DNM3: variants seen among roughly 807,000 people sequenced by gnomAD.
DNM3 encodes dynamin-3.
Under a neutral mutation model 101.6 loss-of-function variants are expected in DNM3, and 47 were observed. The observed-to-expected ratio is 0.46, with a 90% confidence interval of 0.37 to 0.59. The LOEUF is 0.59. DNM3 is among the 20% of genes least tolerant of loss of function. The pLI is 0.00. For synonymous variants in DNM3, 385 were observed against 387.9 expected, an observed-to-expected ratio of 0.99 and a Z score of 0.09; for missense variants, 849 against 1,085.7, an observed-to-expected ratio of 0.78 and a Z score of 3.06.
intron 2 of DNM3, among the ~76,000 whole-genome samples, chr1:171,937,500 G>A (rs1462438341): frequency 2.0e-5 from 3 of 152,140 alleles, no homozygotes; most frequent in African/African-American, 7.2e-5. Flanking sequence ...TATAGATGCA[G>A]ACTCCTGGAC....
Position 172,235,509 on chromosome 1 carries a change from G to C in DNM3, c.1660-18064G>C, listed in dbSNP as rs573837026. 4.6e-5 allele frequency among the ~76,000 whole-genome samples: 7 copies of C among 152,222 alleles called. No homozygotes were observed. In the South Asian group the frequency reaches 1.2e-3, roughly 27 times the overall value. On this transcript the variant is annotated intron_variant, in intron 14 of 20. Coordinates refer to ENST00000627582, the MANE Select transcript of DNM3 (RefSeq NM_015569.5). ...TCCCATTACTGGATATATACCCAAA[G>C]GATTATAAGTCATGCTGCTGTAAAG...
chr1:171,884,146 T>C (rs2036561901), intron 1 of DNM3, among the ~76,000 whole-genome samples: 1 of 152,220 alleles, frequency 6.6e-6, no homozygotes, highest in Non-Finnish European at 1.5e-5. Context: ...AAGTTTCTAG[T>C]TGAAGTAATA....
chr1:172,244,999 A>G (rs150998888), intron 14 of DNM3, among the ~76,000 whole-genome samples: 128 of 152,304 alleles, frequency 8.4e-4, no homozygotes, highest in African/African-American at 2.7e-3. Flanking sequence ...TTATTCTTTG[A>G]TACTTTGATT....
intron 1 of DNM3, among the ~76,000 whole-genome samples, chr1:171,885,340 A>G (rs1283264142): frequency 6.6e-6 from 1 of 152,212 alleles, no homozygotes; most frequent in Non-Finnish European, 1.5e-5. Flanking sequence ...TAAGCAAAAC[A>G]TCAAAACATA....
chr1:172,001,117 A>G (rs2046331841), intron 4 of DNM3, among the ~76,000 whole-genome samples: 1 of 151,978 alleles, frequency 6.6e-6, no homozygotes, highest in African/African-American at 2.4e-5. Context: ...GAATTGGATT[A>G]TTTTTCCATT....
chr1:172,377,405 A>G (rs2068657695), intron 17 of DNM3, among the ~76,000 whole-genome samples: 1 of 151,754 alleles, frequency 6.6e-6, no homozygotes, highest in African/African-American at 2.4e-5. Context: ...TGCTAAACAC[A>G]ACGGCAAAAT....
At chr1:171,955,240 A>G (rs1489327195) in intron 2 of DNM3, among the ~76,000 whole-genome samples, 1 of 152,256 alleles carries the variant, frequency 6.6e-6, no homozygotes, top group African/African-American at 2.4e-5. Flanking sequence ...GCTTAATGGT[A>G]GGAAAGCTAT....
chr1:171,869,665 G>A (rs543289478), intron 1 of DNM3, among the ~76,000 whole-genome samples: 83 of 152,136 alleles, frequency 5.5e-4, no homozygotes, highest in Non-Finnish European at 9.8e-4. Flanking sequence ...GTAATCATTA[G>A]TTCTCACTGA....
At chr1:172,240,935 C>T (rs1336544576) in intron 14 of DNM3, among the ~76,000 whole-genome samples, 3 of 151,990 alleles carry the variant, frequency 2.0e-5, no homozygotes, top group African/African-American at 7.2e-5. Context: ...CGTGTTTTGC[C>T]ATGCTGAGTA....
intron 2 of DNM3, among the ~76,000 whole-genome samples, chr1:171,968,020 A>G (rs1474755729): frequency 6.6e-6 from 1 of 152,110 alleles, no homozygotes; most frequent in East Asian, 1.9e-4. Flanking sequence ...GCAAACCTTC[A>G]GTGGGCACAG....
chr1:172,376,185 A>C (rs1017037848), intron 17 of DNM3: 3 of 152,090 alleles, frequency 2.0e-5, no homozygotes, highest in African/African-American at 7.2e-5. Flanking sequence ...AGCTATTTTT[A>C]AAAACTGCAA....
chr1:172,285,184 G>A (rs1395822551), intron 15 of DNM3, among the ~76,000 whole-genome samples: 2 of 152,150 alleles, frequency 1.3e-5, no homozygotes, highest in Non-Finnish European at 2.9e-5. Context: ...TTTTAAAATT[G>A]AGAATGATAT....
intron 10 of DNM3, among the ~76,000 whole-genome samples, chr1:172,058,235 C>G (rs1286268742): frequency 6.6e-6 from 1 of 151,834 alleles, no homozygotes; most frequent in South Asian, 2.1e-4. Flanking sequence ...GACTCCCACA[C>G]GTTAATAATG....
chr1:171,918,951 T>G (rs2039937250), intron 1 of DNM3, among the ~76,000 whole-genome samples: 1 of 152,146 alleles, frequency 6.6e-6, no homozygotes, highest in South Asian at 2.1e-4. Flanking sequence ...ATAAAGTGAC[T>G]AAACCTTTTT....
chr1:172,397,884 T>C (rs1386813341), intron 20 of DNM3, among the ~76,000 whole-genome samples: 1 of 152,202 alleles, frequency 6.6e-6, no homozygotes, highest in East Asian at 1.9e-4. Flanking sequence ...CCAATAATTA[T>C]TGCTACTGAA....
intron 14 of DNM3, among the ~76,000 whole-genome samples, chr1:172,185,626 A>C (rs549388624): frequency 2.0e-5 from 3 of 152,084 alleles, no homozygotes; most frequent in Non-Finnish European, 4.4e-5. Context: ...GAAGATTTTT[A>C]ATGTGTTTGT....
chr1:172,181,602 A>G (rs2059349243), intron 14 of DNM3, among the ~76,000 whole-genome samples: 1 of 152,020 alleles, frequency 6.6e-6, no homozygotes, highest in Non-Finnish European at 1.5e-5. Context: ...TTGTAGCCGT[A>G]TTGCTACTAA....
chr1:171,993,967 A>G (rs1304332878), intron 4 of DNM3, among the ~76,000 whole-genome samples: 2 of 151,792 alleles, frequency 1.3e-5, no homozygotes, highest in Non-Finnish European at 2.9e-5. Context: ...CTCCTTACTG[A>G]TATTCTGTAT....
At chr1:172,287,741 T>C (rs1197980286) in intron 15 of DNM3, among the ~76,000 whole-genome samples, 3 of 151,322 alleles carry the variant, frequency 2.0e-5, no homozygotes, top group African/African-American at 7.3e-5. Flanking sequence ...TCTTTGAGGA[T>C]GCTATAGAAA....
Sources: allele counts gnomAD v4.1 joint callset (sites outside exome capture counted in the v4.1 genomes callset), GRCh38; gene constraint gnomAD v4.1.1; transcripts MANE v1.5; gene names NCBI Gene and HGNC (gene_info 2026-07-23, HGNC 2026-07-21).